The following GLRA2 variants were observed in gnomAD, a reference collection of about 807,000 sequenced individuals.
GLRA2 encodes the protein glycine receptor subunit alpha-2.
Under a neutral mutation model 31.6 loss-of-function variants are expected in GLRA2, and 11 were observed. That is an observed-to-expected ratio of 0.35 (90% CI 0.22 to 0.58). The LOEUF is 0.58. Ranked by LOEUF, GLRA2 falls within the 20% of genes least tolerant of loss-of-function variation. The pLI, the probability that GLRA2 is intolerant of heterozygous loss-of-function variation, is 0.84. For missense variants in GLRA2, 212 were observed against 351.8 expected, an observed-to-expected ratio of 0.60 and a Z score of 3.18; for synonymous variants, 132 against 134.0, an observed-to-expected ratio of 0.99 and a Z score of 0.10.
intron 2 of GLRA2, among the ~76,000 whole-genome samples, chrX:14,570,994 C>T (rs1213506554): frequency 1.8e-5 from 2 of 109,513 alleles, no homozygotes; most frequent in African/African-American, 6.7e-5. Flanking sequence ...GGCCAGGCCA[C>T]TCTTTCTCAT....
chrX:14,647,437 C>A (rs1276075127), intron 7 of GLRA2, among the ~76,000 whole-genome samples: 1 of 111,513 alleles, frequency 9.0e-6, no homozygotes, highest in African/African-American at 3.3e-5. Context: ...AGCTCTACTA[C>A]CAGTGCTTGG....
chrX:14,546,446 C>T (rs1031239400), intron 2 of GLRA2, among the ~76,000 whole-genome samples: 2 of 111,061 alleles, frequency 1.8e-5, no homozygotes, highest in Non-Finnish European at 3.8e-5. Flanking sequence ...CAGGGCTTTC[C>T]GCAGAGTGTA....
chrX:14,517,170 A>G, the GLRA2 span, among the ~76,000 whole-genome samples: 8 of 111,925 alleles, frequency 7.1e-5, no homozygotes, highest in East Asian at 2.2e-3. Flanking sequence ...TAATTTTCAA[A>G]CTCTTTGAAC....
Position 14,581,337 on chromosome X carries a change from T to C in GLRA2, c.425T>C (p.Phe142Ser). Residue 142 changes from phenylalanine to serine, a missense_variant, in exon 4 of 9, where the codon TTC becomes TCC. Physicochemically the swap from Phe to Ser is radical, Grantham distance 155 (BLOSUM62 -2). This residue lies in a region of GLRA2 where 110 missense variants were observed against 232.6 expected (regional missense o/e 0.47). Transcript: ENST00000218075. ...LFFANEKGAN[F>S]HDVTTDNKLL... ...TTTGCCAATGAGAAGGGTGCCAACT[T>C]CCACGATGTCACCACTGACAACAAA... 8.3e-7 allele frequency: 1 copy of C among 1,206,838 alleles called. No individual in the cohort carries two copies. Among genetic ancestry groups the C allele is most frequent in the Non-Finnish European group, 1.1e-6 (1 of 891,097 alleles).
the GLRA2 span, among the ~76,000 whole-genome samples, chrX:14,489,608 G>A: frequency 4.5e-5 from 5 of 112,218 alleles, no homozygotes; most frequent in African/African-American, 1.6e-4. Flanking sequence ...CCCAGAGAAA[G>A]CGATGCGGAC....
At chrX:14,684,902 A>G (rs1310155296) in intron 7 of GLRA2, among the ~76,000 whole-genome samples, 1 of 111,006 alleles carries the variant, frequency 9.0e-6, no homozygotes, top group Non-Finnish European at 1.9e-5. Context: ...CCAGTTTTCA[A>G]AGGGAATGCT....
chrX:14,471,978 T>C, the GLRA2 span, among the ~76,000 whole-genome samples: 1 of 111,908 alleles, frequency 8.9e-6, no homozygotes, highest in Non-Finnish European at 1.9e-5. Flanking sequence ...CTTTACCTCA[T>C]GTTCCAATTT....
the GLRA2 span, among the ~76,000 whole-genome samples, chrX:14,465,753 A>C: frequency 8.9e-6 from 1 of 112,058 alleles, no homozygotes; most frequent in Non-Finnish European, 1.9e-5. Flanking sequence ...GCATTGAAGA[A>C]AACCAAAAGC....
intron 8 of GLRA2, among the ~76,000 whole-genome samples, chrX:14,713,494 A>G (rs1194980741): frequency 8.9e-6 from 1 of 112,100 alleles, no homozygotes; most frequent in Non-Finnish European, 1.9e-5. Context: ...ACTACTCTCT[A>G]AGGCTACAGA....
At chrX:14,481,294 G>A in the GLRA2 span, among the ~76,000 whole-genome samples, 4 of 111,127 alleles carry the variant, frequency 3.6e-5, no homozygotes, top group Admixed American at 2.9e-4. Flanking sequence ...TCATCTACTG[G>A]TCTAATTAAT....
chrX:14,586,312 A>G (rs1210902636), intron 4 of GLRA2, among the ~76,000 whole-genome samples: 1 of 112,348 alleles, frequency 8.9e-6, no homozygotes, highest in African/African-American at 3.2e-5. Flanking sequence ...CCAGTGATGT[A>G]GGACACAATC....
chrX:14,724,600 T>G (rs1304283218), intron 8 of GLRA2, among the ~76,000 whole-genome samples: 1 of 75,630 alleles, frequency 1.3e-5, no homozygotes, highest in Non-Finnish European at 2.3e-5. Context: ...CACTCCAACC[T>G]GGGTGACAAA....
chrX:14,637,396 G>T (rs1161099041), intron 7 of GLRA2, among the ~76,000 whole-genome samples: 1 of 112,267 alleles, frequency 8.9e-6, no homozygotes, highest in African/African-American at 3.2e-5. Flanking sequence ...GACAGAACAG[G>T]TTCCACCCAA....
intron 2 of GLRA2, among the ~76,000 whole-genome samples, chrX:14,537,154 T>G (rs1348947811): frequency 1.8e-5 from 2 of 111,333 alleles, no homozygotes; most frequent in African/African-American, 6.5e-5. Flanking sequence ...ATTATAAAAT[T>G]ACCTTGCAAA....
At chrX:14,692,309 G>A (rs1042836590) in intron 8 of GLRA2, among the ~76,000 whole-genome samples, 7 of 112,246 alleles carry the variant, frequency 6.2e-5, no homozygotes, top group Admixed American at 9.5e-5. Flanking sequence ...TGGTGCTAAC[G>A]TTTCTTTAAT....
intron 2 of GLRA2, among the ~76,000 whole-genome samples, chrX:14,548,358 G>A (rs1415686826): frequency 9.0e-6 from 1 of 111,451 alleles, no homozygotes; most frequent in Non-Finnish European, 1.9e-5. Context: ...ATTACAGGTT[G>A]AATTGAATTT....
the GLRA2 span, among the ~76,000 whole-genome samples, chrX:14,462,734 A>T: frequency 9.0e-6 from 1 of 111,546 alleles, no homozygotes; most frequent in Non-Finnish European, 1.9e-5. Flanking sequence ...TGTTCTAGTT[A>T]GCCATTCATT....
At chrX:14,535,423 A>G (rs768519814) in intron 2 of GLRA2, among the ~76,000 whole-genome samples, 10 of 112,105 alleles carry the variant, frequency 8.9e-5, no homozygotes, top group African/African-American at 2.6e-4. Context: ...TGTAAGCTAG[A>G]AAAGATAACC....
At chrX:14,721,268 G>T (rs2091862277) in intron 8 of GLRA2, among the ~76,000 whole-genome samples, 2 of 110,874 alleles carry the variant, frequency 1.8e-5, no homozygotes, top group Admixed American at 1.9e-4. Context: ...GCATAGCATG[G>T]TGACTATAGT....
Sources: allele counts gnomAD v4.1 joint callset (sites outside exome capture counted in the v4.1 genomes callset), GRCh38; gene constraint gnomAD v4.1.1; regional missense constraint gnomAD v4.1.1; transcripts MANE v1.5; gene names NCBI Gene and HGNC (gene_info 2026-07-23, HGNC 2026-07-21).